The following PLEKHA7 variants were observed in gnomAD, a reference collection of about 807,000 sequenced individuals.
PLEKHA7 encodes pleckstrin homology domain containing A7.
In PLEKHA7, 104 loss-of-function variants were observed where a neutral mutation model predicts 170.0. The observed-to-expected ratio is 0.61, with a 90% CI of 0.52 to 0.72. The LOEUF (loss-of-function observed/expected upper bound fraction) is 0.72, where lower values mean the gene tolerates loss of function less well. Among genes scored for constraint, PLEKHA7 ranks in the 30% least tolerant of loss-of-function variants. PLEKHA7 has a pLI of 0.00. For missense variants in PLEKHA7, 1,615 were observed against 1,671.7 expected (o/e 0.97, Z 0.59); for synonymous variants, 648 against 660.8 (o/e 0.98, Z 0.30).
intron 3 of PLEKHA7, among the ~76,000 whole-genome samples, chr11:16,958,600 T>C (rs1590719803): frequency 6.6e-6 from 1 of 152,226 alleles, no homozygotes; most frequent in South Asian, 2.1e-4. Flanking sequence ...TTCCCAAATT[T>C]TCTACGGTCT....
At chr11:17,013,860 G>T in intron 3 of PLEKHA7, 129 bp downstream of exon 3, 1 of 1,131,672 alleles carries the variant, frequency 8.8e-7, no homozygotes, top group Non-Finnish European at 1.2e-6. Context: ...GTTGAGTGTG[G>T]CCGCGGCGCA....
chr11:16,803,405 G>T, intron 13 of PLEKHA7, 110 bp from the exon 14 acceptor site: 2 of 1,138,492 alleles, frequency 1.8e-6, no homozygotes, highest in Non-Finnish European at 2.6e-6. Context: ...GCAGTGGCAG[G>T]TAGGGTCATA....
At chr11:16,986,915 A>G (rs55903519) in intron 3 of PLEKHA7, among the ~76,000 whole-genome samples, 7,678 of 152,286 alleles carry the variant, frequency 0.05, 364 homozygotes, top group East Asian at 0.14. Context: ...GAAGGTTTTA[A>G]CAAGGTGGTC....
chr11:16,791,190 C>T lies in PLEKHA7; in HGVS notation c.2755G>A (p.Ala919Thr). Residue 919 changes from alanine to threonine, a missense_variant, in exon 20 of 27, where the codon GCA becomes ACA. Coordinates refer to ENST00000531066, the MANE Select transcript of PLEKHA7 (RefSeq NM_001329630.2). The surrounding 1 kb of genome is among the most constrained non-coding windows in gnomAD (Gnocchi z 4.5). The stretch of plus-strand genomic sequence containing the variant: ...TCGGGGAGTGGGGGCCTGGGAGGTG[C>T]TTCATCTTCCTGCTGAGAAAGAGAA... ...TKAKPKVEDE[A>T]PPRPPLPELY... The T allele has an allele frequency of 6.3e-7, 1 of 1,590,798 alleles. No homozygotes were observed. The highest frequency in any genetic ancestry group is 8.6e-7 in the Non-Finnish European group (1 of 1,167,320).
At position 17,003,086 on chromosome 11, in the gene PLEKHA7, G is replaced by A. The variant is rs111547735; in HGVS notation, c.221+10903C>T. Among the ~76,000 whole-genome samples, 295 of 143,570 alleles carry A rather than the reference G, an allele frequency of 2.1e-3. 1 individual carries two copies. Among genetic ancestry groups the A allele is most frequent in the African/African-American group, 7.3e-3 (282 of 38,614 alleles). The allele number at this position is 143,570 out of a possible 152,430, so 94.2% of individuals were successfully genotyped here. ...CGGCTCACTGCAACCTCTGCCTCCC[G>A]TTCAAGCGATTCTCCTGCCTCAGTC... On this transcript the variant is annotated intron_variant, in intron 3 of 26. Coordinates refer to ENST00000531066, the MANE Select transcript of PLEKHA7 (RefSeq NM_001329630.2).
At chr11:16,998,351 A>G (rs922454871) in intron 3 of PLEKHA7, among the ~76,000 whole-genome samples, 1 of 152,152 alleles carries the variant, frequency 6.6e-6, no homozygotes, top group African/African-American at 2.4e-5. Flanking sequence ...TCAAGGAGGC[A>G]ATCAGCACCA....
chr11:16,799,061 A>G (rs1848420796), intron 17 of PLEKHA7, among the ~76,000 whole-genome samples: 1 of 152,244 alleles, frequency 6.6e-6, no homozygotes, highest in Admixed American at 6.5e-5. Context: ...CCAAGACAGT[A>G]GCCGATAGCT....
chr11:16,838,693 CTTTTTTTTTT>C (rs869209891), intron 9 of PLEKHA7, among the ~76,000 whole-genome samples: 1 of 107,870 alleles, frequency 9.3e-6, no homozygotes, highest in Non-Finnish European at 1.8e-5. Context: ...ACACAGTTTT[CTTTTTTTTTT>C]TTTTTTTTTT....
chr11:16,837,360 C>T (rs393554), intron 9 of PLEKHA7, among the ~76,000 whole-genome samples: 99,131 of 152,040 alleles, frequency 0.65, 32,621 homozygotes, highest in East Asian at 0.87. Flanking sequence ...AGACATCATT[C>T]ATCAATCATG....
intron 3 of PLEKHA7, among the ~76,000 whole-genome samples, chr11:16,954,731 C>G (rs1041598797): frequency 2.0e-5 from 3 of 151,140 alleles, no homozygotes; most frequent in African/African-American, 4.9e-5. Context: ...CGCTCTGTCA[C>G]CCAGGCTGGA....
rs182984037 is a variant in PLEKHA7, at chr11:16,829,434, T to C, written c.873-2844A>G. Reference sequence around the variant, plus strand: ...ATAGTAATGAGTGAGGGCCCATTCATTGTTAACATTCAGTGGCTCTATAAA... The same window carrying C: ...ATAGTAATGAGTGAGGGCCCATTCACTGTTAACATTCAGTGGCTCTATAAA... On this transcript the variant is annotated intron_variant, in intron 9 of 26. Transcript: ENST00000531066. 6.6e-5 allele frequency among the ~76,000 whole-genome samples: 10 copies of C among 152,320 alleles called. No homozygotes were observed. In the East Asian group the frequency reaches 1.7e-3, roughly 26 times the overall value.
intron 3 of PLEKHA7, among the ~76,000 whole-genome samples, chr11:16,951,354 C>CGATGAT (rs546242016): frequency 4.0e-5 from 6 of 150,780 alleles, no homozygotes; most frequent in Admixed American, 2.6e-4. Flanking sequence ...GACATCATGA[C>CGATGAT]GATGATGATG....
intron 16 of PLEKHA7, 115 bp downstream of exon 16, chr11:16,801,553 G>A: frequency 7.7e-7 from 1 of 1,306,578 alleles, no homozygotes; most frequent in Non-Finnish European, 1.1e-6. Flanking sequence ...GAGAAGCTCT[G>A]CTATTTCAGG....
intron 3 of PLEKHA7, among the ~76,000 whole-genome samples, chr11:16,997,361 A>G (rs760684626): frequency 6.6e-6 from 1 of 152,176 alleles, no homozygotes; most frequent in Non-Finnish European, 1.5e-5. Context: ...GAGTCTCAAA[A>G]TGCCAAACCC....
intron 3 of PLEKHA7, among the ~76,000 whole-genome samples, chr11:17,010,542 G>A (rs1182301630): frequency 7.2e-5 from 11 of 152,194 alleles, no homozygotes; most frequent in Non-Finnish European, 1.5e-4. Context: ...GGAGTTCAAG[G>A]CTGCAGTGAG....
At chr11:16,779,312 T>C (rs1214545003) in intron 26 of PLEKHA7, among the ~76,000 whole-genome samples, 2 of 152,212 alleles carry the variant, frequency 1.3e-5, no homozygotes, top group Non-Finnish European at 2.9e-5. Context: ...CTTCATTCTT[T>C]CAATGTGGGT....
At chr11:16,982,267 G>C (rs572997168) in intron 3 of PLEKHA7, among the ~76,000 whole-genome samples, 9 of 152,400 alleles carry the variant, frequency 5.9e-5, no homozygotes, top group African/African-American at 1.4e-4. Context: ...GCAAATGCAG[G>C]CTCCCTGCAT....
At chr11:16,955,007 A>C (rs1193634385) in intron 3 of PLEKHA7, among the ~76,000 whole-genome samples, 2 of 152,116 alleles carry the variant, frequency 1.3e-5, no homozygotes, top group African/African-American at 4.8e-5. Context: ...TTATTTTCAC[A>C]TATACTGTTT....
chr11:16,901,702 C>T (rs1432800646), intron 3 of PLEKHA7, among the ~76,000 whole-genome samples: 1 of 152,070 alleles, frequency 6.6e-6, no homozygotes, highest in Non-Finnish European at 1.5e-5. Context: ...AACCCCATCT[C>T]TACAAAAAAT....
Sources: gnomAD v4.1 joint callset for allele counts (sites outside exome capture counted in the v4.1 genomes callset) on GRCh38, gnomAD v4.1.1 for gene constraint, Gnocchi (gnomAD v3.1) non-coding constraint, MANE v1.5 for transcripts, NCBI Gene and HGNC (gene_info 2026-07-23, HGNC 2026-07-21) for gene names.